The following RELCH variants were observed in gnomAD, a reference collection of about 807,000 sequenced individuals.
RELCH encodes RAB11-binding protein RELCH.
A neutral mutation model predicts 150.3 loss-of-function variants in RELCH; 41 were observed. The ratio of observed to expected loss-of-function variants is 0.27; its 90% confidence interval spans 0.21 to 0.35. The LOEUF (loss-of-function observed/expected upper bound fraction) is 0.35. Ranked by LOEUF, RELCH falls within the 10% of genes least tolerant of loss-of-function variation. The pLI is 1.00. For missense variants in RELCH, 1,092 were observed against 1,467.8 expected, an observed-to-expected ratio of 0.74 and a Z score of 4.18; for synonymous variants, 478 against 531.8, an observed-to-expected ratio of 0.90 and a Z score of 1.39.
intron 13 of RELCH, among the ~76,000 whole-genome samples, chr18:62,257,700 T>C (rs1456145323): frequency 1.3e-5 from 2 of 151,952 alleles, no homozygotes; most frequent in Admixed American, 1.3e-4. Context: ...TCAAAGTAGA[T>C]ATTACTGCCT....
chr18:62,269,438 G>A, intron 20 of RELCH: 1 of 423,360 alleles, frequency 2.4e-6, no homozygotes, highest in Non-Finnish European at 4.8e-6. Context: ...TATACATAAT[G>A]AGATATCTTG....
At position 62,234,092 on chromosome 18, in the gene RELCH, T is replaced by A. The variant is rs563160591; in HGVS notation, c.1620+1665T>A. Among the ~76,000 whole-genome samples the A allele has an allele frequency of 8.5e-5, 13 of 152,132 alleles. No homozygotes were observed. The South Asian group carries it at 2.7e-3, about 31-fold the overall frequency. Reference sequence around the variant, plus strand: ...AGAAAAGTTGCCATTTATAATAAAATGAAATTGTATTTCCTCAAAATTAAA... The same window carrying A: ...AGAAAAGTTGCCATTTATAATAAAAAGAAATTGTATTTCCTCAAAATTAAA... On this transcript the variant is annotated intron_variant, in intron 10 of 28. Transcript: ENST00000644646.
At chr18:62,238,802 T>A (rs976701015) in intron 10 of RELCH, among the ~76,000 whole-genome samples, 3 of 152,070 alleles carry the variant, frequency 2.0e-5, no homozygotes, top group Non-Finnish European at 4.4e-5. Context: ...GGATGGACTT[T>A]ATGAAGATGA....
intron 27 of RELCH, among the ~76,000 whole-genome samples, chr18:62,297,441 G>T (rs888199334): frequency 1.3e-5 from 2 of 151,642 alleles, no homozygotes; most frequent in Non-Finnish European, 2.9e-5. Flanking sequence ...AAGAAAGAAG[G>T]ATACTGGAGG....
At chr18:62,283,503 A>C (rs906773996) in intron 25 of RELCH, among the ~76,000 whole-genome samples, 1 of 152,232 alleles carries the variant, frequency 6.6e-6, no homozygotes, top group Admixed American at 6.5e-5. Context: ...AGACTGTTAC[A>C]TATCCAGGCT....
intron 2 of RELCH, among the ~76,000 whole-genome samples, chr18:62,211,475 T>G (rs2040166203): frequency 1.3e-5 from 2 of 152,238 alleles, no homozygotes; most frequent in East Asian, 3.8e-4. Flanking sequence ...TAAGTTATAC[T>G]TGGAGCCAGC....
Position 62,255,329 on chromosome 18 carries a change from G to C in RELCH, c.1825-78G>C, listed in dbSNP as rs975154518. ...CTTTATTGCATTCTTAACAGGATTT[G>C]TGGTGAAATGTAATTCTCTTTTGAA... On this transcript the variant is annotated intron_variant, in intron 12 of 28. Coordinates refer to ENST00000644646, the MANE Select transcript of RELCH (RefSeq NM_001346231.2). The C allele has an allele frequency of 9.4e-6, 9 of 956,468 alleles. No homozygotes were observed. The Admixed American group carries it at 1.4e-4, about 15-fold the overall frequency. The allele number at this position is 956,468 out of a possible 1,614,324, so 59.2% of individuals were successfully genotyped here. A position where few individuals can be genotyped will look rare whatever the true frequency, so the allele number is the denominator to read the frequency against.
chr18:62,309,487 T>G lies in RELCH; in HGVS notation c.*3953T>G, dbSNP rs543257749. 6.6e-6 allele frequency: 1 copy of G among 152,334 alleles called. No individual in the cohort carries two copies. Among genetic ancestry groups the G allele is most frequent in the African/African-American group, 2.4e-5 (1 of 41,582 alleles). The allele number at this position is 152,334 out of a possible 1,614,324, so 9.4% of individuals were successfully genotyped here. ...TGTCTTTTTTGTGGTTTACTTTGCA[T>G]GTTTAAGAAAAATCTTAAAACATCC... On this transcript the variant is annotated 3_prime_UTR_variant, in exon 29 of 29. Transcript: ENST00000644646.
intron 28 of RELCH, among the ~76,000 whole-genome samples, chr18:62,301,572 G>A (rs916744630): frequency 1.3e-5 from 2 of 152,222 alleles, no homozygotes; most frequent in Non-Finnish European, 2.9e-5. Flanking sequence ...TCTAGCGTTA[G>A]TGTCCATCAG....
intron 1 of RELCH, among the ~76,000 whole-genome samples, chr18:62,210,101 G>A (rs2040065052): frequency 6.6e-6 from 1 of 152,036 alleles, no homozygotes; most frequent in Non-Finnish European, 1.5e-5. Flanking sequence ...TTGGTTTCAT[G>A]GTTTTTTATG....
At chr18:62,233,006 G>T (rs2041674071) in intron 10 of RELCH, among the ~76,000 whole-genome samples, 1 of 151,666 alleles carries the variant, frequency 6.6e-6, no homozygotes, top group African/African-American at 2.4e-5. Flanking sequence ...CAGTTAACCG[G>T]TTATTGACAG....
chr18:62,249,622 C>T (rs1039557677), intron 11 of RELCH, among the ~76,000 whole-genome samples: 61 of 151,798 alleles, frequency 4.0e-4, no homozygotes, highest in African/African-American at 1.4e-3. Context: ...AGGCAAAAAC[C>T]TGGTCTTAGA....
At chr18:62,212,167 T>A (rs1257629877) in intron 2 of RELCH, among the ~76,000 whole-genome samples, 2 of 152,198 alleles carry the variant, frequency 1.3e-5, no homozygotes, top group Admixed American at 6.5e-5. Flanking sequence ...CCATTGGAAT[T>A]TGCTAGGGGT....
Position 62,305,364 on chromosome 18 carries a change from A to AC in RELCH, c.3531-50_3531-49insC. ...TGATATGCTACTAAATAAATGAAAA[A>AC]TTTTTATTTTTTTAATTGCTTTACA... On this transcript the variant is annotated intron_variant, in intron 28 of 28. Coordinates refer to ENST00000644646, the MANE Select transcript of RELCH (RefSeq NM_001346231.2). This position sits in a 1 kb window ranked among gnomAD's most constrained non-coding sequence, Gnocchi z 4.0. 6.5e-7 allele frequency: 1 copy of AC among 1,533,242 alleles called. No individual in the cohort carries two copies. The allele number at this position is 1,533,242 out of a possible 1,614,324, so 95.0% of individuals were successfully genotyped here.
At chr18:62,245,145 A>G (rs200816353) in intron 11 of RELCH, among the ~76,000 whole-genome samples, 13,425 of 152,216 alleles carry the variant, frequency 0.088, 658 homozygotes, top group Middle Eastern at 0.17. Context: ...TGCAACAAAA[A>G]AAACAGATAA....
In RELCH at chr18:62,255,443, G is replaced by A. The variant is rs772764186; in HGVS notation, c.1861G>A (p.Ala621Thr). The change falls in exon 13 of 29, where the codon GCA becomes ACA. Residue 621 changes from alanine to threonine, a missense_variant. This residue lies in a region of RELCH where 707 missense variants were observed against 1,025.4 expected (regional missense o/e 0.69). Transcript: ENST00000644646. The part of the protein sequence containing the change: ...HKYPERRLLV[A>T]ESCGALAPYL... ...ATACCCAGAAAGACGACTGCTTGTG[G>A]CAGAATCCTGTGGAGCACTGGCACC... 2 of 1,609,924 alleles carry A rather than the reference G, an allele frequency of 1.2e-6. No individual in the cohort carries two copies. Among genetic ancestry groups the A allele is most frequent in the Non-Finnish European group, 8.5e-7 (1 of 1,178,572 alleles).
rs1318717905 is a variant in RELCH at position 62,221,116 on chromosome 18, A to G, written c.688+8A>G. ...ACCTGACAAAGGCCGCAGGTGGTGT[A>G]CATAAAACTTTTTTGAGACTTTTCA... On this transcript the variant is annotated splice_region_variant and intron_variant, in intron 3 of 28. Transcript: ENST00000644646. 4 of 1,612,816 alleles carry G rather than the reference A, an allele frequency of 2.5e-6. No homozygotes were observed. The highest frequency in any genetic ancestry group is 3.4e-6 in the Non-Finnish European group (4 of 1,179,256).
At chr18:62,275,179 T>C (rs1427823473) in intron 21 of RELCH, among the ~76,000 whole-genome samples, 195 bp from the exon 22 acceptor site, 1 of 152,198 alleles carries the variant, frequency 6.6e-6, no homozygotes, top group Non-Finnish European at 1.5e-5. Flanking sequence ...CCTCTCAAAG[T>C]GCTGGGATTA....
chr18:62,234,137 G>T (rs898288085), intron 10 of RELCH, among the ~76,000 whole-genome samples: 3 of 151,894 alleles, frequency 2.0e-5, no homozygotes, highest in African/African-American at 7.2e-5. Context: ...AATGAATTAT[G>T]TCTTAGAGTG....
Sources: gnomAD v4.1 joint callset for allele counts (sites outside exome capture counted in the v4.1 genomes callset) on GRCh38, gnomAD v4.1.1 for gene constraint, gnomAD v4.1.1 regional missense constraint, Gnocchi (gnomAD v3.1) non-coding constraint, MANE v1.5 for transcripts, NCBI Gene and HGNC (gene_info 2026-07-23, HGNC 2026-07-21) for gene names.